PDE5A: variants seen among roughly 807,000 people sequenced by gnomAD.
PDE5A encodes cGMP-specific 3',5'-cyclic phosphodiesterase.
PDE5A carries 67 observed loss-of-function variants against 110.2 expected under a neutral mutation model. The observed-to-expected ratio is 0.61, with a 90% CI of 0.50 to 0.75. PDE5A has a LOEUF of 0.75. PDE5A is among the 30% of genes least tolerant of loss of function. The pLI is 0.00. For missense variants in PDE5A, 862 were observed against 1,045.1 expected (o/e 0.82, Z 2.42); for synonymous variants, 328 against 351.2 (o/e 0.93, Z 0.74).
chr4:119,585,256 C>T (rs1172965816), intron 3 of PDE5A, among the ~76,000 whole-genome samples: 2 of 134,006 alleles, frequency 1.5e-5, no homozygotes, highest in African/African-American at 2.9e-5. Context: ...GCCTGGGCGA[C>T]AAGAGTGAAA....
At chr4:119,553,785 A>T in intron 7 of PDE5A, 39 bp from the exon 8 acceptor site, 1 of 981,874 alleles carries the variant, frequency 1.0e-6, no homozygotes, top group Non-Finnish European at 1.6e-6. Context: ...CTGTGCAGTT[A>T]AAAAAAAGCA....
At chr4:119,502,855 A>G (rs757967203) in intron 18 of PDE5A, among the ~76,000 whole-genome samples, 200 bp from the exon 19 acceptor site, 12 of 152,148 alleles carry the variant, frequency 7.9e-5, no homozygotes, top group Non-Finnish European at 1.5e-4. Context: ...TCACTTAGGT[A>G]CATCTCTCTG....
chr4:119,575,740 C>T (rs992888814), intron 3 of PDE5A, among the ~76,000 whole-genome samples: 3 of 152,150 alleles, frequency 2.0e-5, no homozygotes, highest in Non-Finnish European at 4.4e-5. Context: ...ACATGCCAAA[C>T]TGTAAAGACC....
rs780440576 is a variant in PDE5A at position 119,501,191 on chromosome 4, G to A, written c.2469C>T (p.Ala823=). ...ATACCTCATACAGTTGCAAGCAGAT[G>A]GCATCTATGAACCCAACTTGCATAC... The part of the protein sequence containing the change: ...IPSMQVGFID[A]ICLQLYEALT... Residue 823 remains alanine, a synonymous_variant, in exon 20 of 21, where the codon GCC becomes GCT. Transcript: ENST00000354960. 22 of 1,609,242 alleles carry A rather than the reference G, an allele frequency of 1.4e-5. No individual in the cohort carries two copies. The Admixed American group carries it at 3.7e-4, about 27-fold the overall frequency.
chr4:119,576,517 C>G (rs62319612), intron 3 of PDE5A, among the ~76,000 whole-genome samples: 8 of 152,072 alleles, frequency 5.3e-5, no homozygotes, highest in African/African-American at 1.9e-4. Flanking sequence ...CAAACTAGAA[C>G]TCAGGATTAA....
chr4:119,505,609 CTCTACCACATTTTAAAGGTTTT>C (rs1190975452), intron 17 of PDE5A, among the ~76,000 whole-genome samples: 1 of 151,908 alleles, frequency 6.6e-6, no homozygotes, highest in African/African-American at 2.4e-5. Context: ...TATATTGATA[CTCTACCACATTTTAAAGGTTTT>C]TCTAGAACAA....
chr4:119,542,491 T>C lies in PDE5A; in HGVS notation c.1540A>G (p.Arg514Gly), dbSNP rs1158021808. 2 of 1,613,796 alleles carry C rather than the reference T, an allele frequency of 1.2e-6. No homozygotes were observed. The highest frequency in any genetic ancestry group is 2.2e-5 in the East Asian group (1 of 44,882). ...GTGACCATTTGCTTGGCCATGGCTC[T>C]CTCCACTGCTTCATACATCTGCGTG... The part of the protein sequence containing the change: ...QNTQMYEAVE[R>G]AMAKQMVTLE... Residue 514 changes from arginine (R) to glycine (G), a missense_variant, in exon 10 of 21, where the codon AGA becomes GGA. Physicochemically the swap from Arg to Gly is moderately radical, Grantham distance 125 (BLOSUM62 -2). Coordinates refer to ENST00000354960, the MANE Select transcript of PDE5A (RefSeq NM_001083.4).
At chr4:119,500,836 C>CTTTA (rs1217020701) in intron 20 of PDE5A, 1 of 172,030 alleles carries the variant, frequency 5.8e-6, no homozygotes, top group Non-Finnish European at 1.2e-5. Context: ...GATTACTTTT[C>CTTTA]TTTATTTAGG....
intron 3 of PDE5A, among the ~76,000 whole-genome samples, chr4:119,577,503 T>G (rs1013700249): frequency 5.3e-5 from 8 of 152,224 alleles, no homozygotes; most frequent in Non-Finnish European, 1.0e-4. Flanking sequence ...CAAGTGGGCT[T>G]CATCCCTGGG....
chr4:119,563,518 T>G (rs922929371), intron 5 of PDE5A, among the ~76,000 whole-genome samples: 1 of 152,076 alleles, frequency 6.6e-6, no homozygotes, highest in Middle Eastern at 3.2e-3. Context: ...ACCAAAAACT[T>G]AGTGGAGGTG....
chr4:119,498,404 A>C lies in PDE5A; in HGVS notation c.*197T>G, dbSNP rs1385658660. On this transcript the variant is annotated 3_prime_UTR_variant, in exon 21 of 21. Transcript: ENST00000354960. Reference sequence around the variant, plus strand: ...TTGATCCTTTCAGTTCAGTAGCATAAAACAAATATACAAAAAATATGTAAT... The same window carrying C: ...TTGATCCTTTCAGTTCAGTAGCATACAACAAATATACAAAAAATATGTAAT... 1 of 566,004 alleles carries C rather than the reference A, an allele frequency of 1.8e-6. No individual in the cohort carries two copies. The highest frequency in any genetic ancestry group is 1.9e-5 in the African/African-American group (1 of 53,748). 35.1% of individuals were successfully genotyped at this position (566,004 alleles called of 1,614,324 possible).
At position 119,561,128 on chromosome 4, in the gene PDE5A, C is replaced by T. The variant is rs117006317; in HGVS notation, c.1132-765G>A. 4.0e-3 allele frequency among the ~76,000 whole-genome samples: 611 copies of T among 151,604 alleles called. 12 individuals are homozygous for T. In the East Asian group the frequency reaches 0.046, roughly 12 times the overall value. ...TGAATGATACAGCAATACTCTGTCT[C>T]GAAAATAAGAAAGAAAAAAAATTTT... On this transcript the variant is annotated intron_variant, in intron 6 of 20. Coordinates refer to ENST00000354960, the MANE Select transcript of PDE5A (RefSeq NM_001083.4).
At chr4:119,566,459 G>A (rs939223026) in intron 4 of PDE5A, among the ~76,000 whole-genome samples, 1 of 152,064 alleles carries the variant, frequency 6.6e-6, no homozygotes, top group Admixed American at 6.6e-5. Context: ...TGAATTTATC[G>A]ACAGGTTTAC....
chr4:119,519,441 A>G (rs925917396), intron 13 of PDE5A: 1 of 282,498 alleles, frequency 3.5e-6, no homozygotes, highest in African/African-American at 2.2e-5. Context: ...TGAAATAATC[A>G]TAATAAACTT....
At chr4:119,564,042 A>T (rs558279047) in intron 5 of PDE5A, among the ~76,000 whole-genome samples, 11 of 151,944 alleles carry the variant, frequency 7.2e-5, no homozygotes, top group Non-Finnish European at 1.2e-4. Flanking sequence ...GAAAAAAAAT[A>T]CTGTGAAATT....
intron 2 of PDE5A, among the ~76,000 whole-genome samples, chr4:119,604,870 A>G (rs1426851692): frequency 1.3e-5 from 2 of 152,146 alleles, no homozygotes; most frequent in African/African-American, 4.8e-5. Context: ...AAAAGTAATG[A>G]CAATTACTTT....
intron 14 of PDE5A, among the ~76,000 whole-genome samples, chr4:119,511,542 A>C (rs990371372): frequency 2.6e-5 from 4 of 152,126 alleles, no homozygotes; most frequent in Non-Finnish European, 5.9e-5. Context: ...TTTCCTCTGA[A>C]ATAATGCTCA....
At chr4:119,555,405 C>T (rs930441902) in intron 7 of PDE5A, among the ~76,000 whole-genome samples, 11 of 152,064 alleles carry the variant, frequency 7.2e-5, no homozygotes, top group African/African-American at 2.4e-4. Context: ...ATTTGAGTGA[C>T]ACTCAAGAAA....
At chr4:119,528,426 A>G (rs1394424090) in intron 11 of PDE5A, among the ~76,000 whole-genome samples, 2 of 143,394 alleles carry the variant, frequency 1.4e-5, no homozygotes, top group Non-Finnish European at 3.1e-5. Flanking sequence ...TGTTCTAAAT[A>G]CCATCTAACT....
Sources: allele counts gnomAD v4.1 joint callset (sites outside exome capture counted in the v4.1 genomes callset), GRCh38; gene constraint gnomAD v4.1.1; transcripts MANE v1.5; gene names NCBI Gene and HGNC (gene_info 2026-07-23, HGNC 2026-07-21).